Variants in SYCP2L observed in about 807,000 individuals in gnomAD.
The protein encoded by SYCP2L is synaptonemal complex protein 2 like.
In SYCP2L, 98 loss-of-function variants were observed where a neutral mutation model predicts 125.8. The ratio of observed to expected loss-of-function variants is 0.78; its 90% CI spans 0.66 to 0.92. The LOEUF (loss-of-function observed/expected upper bound fraction) is 0.92, where lower values mean the gene tolerates loss of function less well. Ranked by LOEUF, SYCP2L falls within the 40% of genes least tolerant of loss-of-function variation. SYCP2L has a pLI of 0.00. For missense variants in SYCP2L, 842 were observed against 936.4 expected, an observed-to-expected ratio of 0.90 and a Z score of 1.32; for synonymous variants, 317 against 325.4, an observed-to-expected ratio of 0.97 and a Z score of 0.28.
At position 10,901,156 on chromosome 6, in the gene SYCP2L, A is replaced by T. The variant is rs114039005; in HGVS notation, c.467-1521A>T. Among the ~76,000 whole-genome samples the T allele has an allele frequency of 4.8e-3, 732 of 152,274 alleles. 5 individuals carry two copies. The highest frequency in any genetic ancestry group is 0.017 in the African/African-American group (697 of 41,550). ...CCCTCTCTAGTGATTTGAATGGCTT[A>T]TGTCCTACTTTTATTTTACCGGTAG... On this transcript the variant is annotated intron_variant, in intron 6 of 29. Coordinates refer to ENST00000283141, the MANE Select transcript of SYCP2L (RefSeq NM_001040274.3).
intron 23 of SYCP2L, among the ~76,000 whole-genome samples, chr6:10,950,059 C>T (rs1297623736): frequency 2.0e-5 from 3 of 152,114 alleles, no homozygotes. Context: ...TTAAAAGCTT[C>T]AAGTAAATGT....
rs573260584 is a variant in SYCP2L, at chr6:10,922,864, A to T, written c.1073-1632A>T. On this transcript the variant is annotated intron_variant, in intron 14 of 29. Transcript: ENST00000283141. Reference sequence around the variant, plus strand: ...AAAAGTAGATTAATTTGAGTAGATTAAAAAAGTAGATTAAGTAGATTAATT... The same window carrying T: ...AAAAGTAGATTAATTTGAGTAGATTTAAAAAGTAGATTAAGTAGATTAATT... 3.4e-3 allele frequency: 512 copies of T among 152,328 alleles called. 6 individuals carry two copies. The highest frequency in any genetic ancestry group is 0.012 in the African/African-American group (479 of 41,578). The allele number at this position is 152,328 out of a possible 1,614,324, so 9.4% of individuals were successfully genotyped here.
chr6:10,905,134 C>T (rs1411801563), intron 8 of SYCP2L, among the ~76,000 whole-genome samples: 2 of 77,744 alleles, frequency 2.6e-5, no homozygotes, highest in Non-Finnish European at 4.6e-5. Flanking sequence ...CAGAGCCAGA[C>T]TTGGTCTCAA....
rs1170554877 is a variant in SYCP2L at position 10,928,286 on chromosome 6, T to C, written c.1441-117T>C. 5 of 524,322 alleles carry C rather than the reference T, an allele frequency of 9.5e-6. No individual in the cohort carries two copies. The African/African-American group carries it at 1.0e-4, about 11-fold the overall frequency. The allele number at this position is 524,322 out of a possible 1,614,324, so 32.5% of individuals were successfully genotyped here. A position where few individuals can be genotyped will look rare whatever the true frequency, so the allele number is the denominator to read the frequency against. ...GGAAGTGATAAGTGTCCATGAAATC[T>C]TCACAATTTATGTTCAGAGATTGAG... On this transcript the variant is annotated intron_variant, in intron 17 of 29. Transcript: ENST00000283141.
At chr6:10,931,341 G>A (rs1407585571) in intron 19 of SYCP2L, 99 bp from the exon 20 acceptor site, 2 of 1,134,088 alleles carry the variant, frequency 1.8e-6, no homozygotes, top group South Asian at 2.6e-5. Context: ...TAGGAAGTGG[G>A]AATTGCTTTT....
At chr6:10,899,440 T>C (rs1780340744) in intron 6 of SYCP2L, among the ~76,000 whole-genome samples, 1 of 151,974 alleles carries the variant, frequency 6.6e-6, no homozygotes, top group African/African-American at 2.4e-5. Context: ...CCCAGCTACT[T>C]GGGAGGGTGA....
chr6:10,929,084 G>A (rs545241167), intron 18 of SYCP2L, among the ~76,000 whole-genome samples: 1 of 152,036 alleles, frequency 6.6e-6, no homozygotes, highest in South Asian at 2.1e-4. Flanking sequence ...TAGAGACTGG[G>A]ATTTGCCATG....
intron 28 of SYCP2L, 144 bp downstream of exon 28, chr6:10,961,702 C>G (rs1439572910): frequency 1.1e-5 from 8 of 755,730 alleles, no homozygotes; most frequent in African/African-American, 5.3e-5. Flanking sequence ...TTCTGTGGCA[C>G]CTCCCTGAGG....
At chr6:10,902,323 G>A (rs1780391790) in intron 6 of SYCP2L, among the ~76,000 whole-genome samples, 1 of 152,058 alleles carries the variant, frequency 6.6e-6, no homozygotes, top group African/African-American at 2.4e-5. Flanking sequence ...CAGTTCTCAA[G>A]TTCTTCTTAG....
intron 4 of SYCP2L, among the ~76,000 whole-genome samples, chr6:10,894,928 T>C (rs1184061462): frequency 6.6e-6 from 1 of 152,168 alleles, no homozygotes; most frequent in African/African-American, 2.4e-5. Flanking sequence ...TGAGCTCCAG[T>C]ACCAGAAGTT....
intron 14 of SYCP2L, among the ~76,000 whole-genome samples, chr6:10,923,975 C>G (rs544224945): frequency 6.6e-6 from 1 of 152,232 alleles, no homozygotes; most frequent in Non-Finnish European, 1.5e-5. Flanking sequence ...TGAGCCACCA[C>G]GCCTGGCCTA....
At chr6:10,943,259 A>G (rs991749100) in intron 23 of SYCP2L, among the ~76,000 whole-genome samples, 4 of 152,170 alleles carry the variant, frequency 2.6e-5, no homozygotes, top group African/African-American at 9.7e-5. Flanking sequence ...ATACTTTTCT[A>G]CTGTTTATGA....
At chr6:10,908,961 GAA>G (rs1780555995) in intron 10 of SYCP2L, among the ~76,000 whole-genome samples, 1 of 152,188 alleles carries the variant, frequency 6.6e-6, no homozygotes, top group Admixed American at 6.5e-5. Context: ...GAGAGAAACT[GAA>G]AGGTCCAGGG....
intron 8 of SYCP2L, among the ~76,000 whole-genome samples, chr6:10,904,693 A>T (rs760188852): frequency 2.7e-4 from 41 of 152,178 alleles, no homozygotes; most frequent in Non-Finnish European, 1.6e-4. Flanking sequence ...TGCAAGTATA[A>T]AATTAAGCAG....
rs144879931 is a variant in SYCP2L at position 10,966,494 on chromosome 6, G to A, written c.*37+2651G>A. 2.9e-3 allele frequency among the ~76,000 whole-genome samples: 436 copies of A among 152,276 alleles called. 1 individual carries two copies. The highest frequency in any genetic ancestry group is 0.01 in the African/African-American group (423 of 41,570). The stretch of plus-strand genomic sequence containing the variant: ...CTAAAATCAGGACCAATGGATGGGA[G>A]ATGGAATAACATAAAGGCGTCCATT... On this transcript the variant is annotated intron_variant, in intron 29 of 29. Transcript: ENST00000283141.
At chr6:10,930,615 T>C (rs937915924) in intron 19 of SYCP2L, 101 bp downstream of exon 19, 26 of 1,347,558 alleles carry the variant, frequency 1.9e-5, no homozygotes, top group African/African-American at 1.5e-5. Context: ...CAAAGAAATA[T>C]ATGATTATGG....
rs1194675490 is a variant in SYCP2L at position 10,931,502 on chromosome 6, T to C, written c.1683+13T>C. 1 of 1,613,666 alleles carries C rather than the reference T, an allele frequency of 6.2e-7. No homozygotes were observed. Among genetic ancestry groups the C allele is most frequent in the East Asian group, 2.2e-5 (1 of 44,874 alleles). The stretch of plus-strand genomic sequence containing the variant: ...TGAGAAAGACCAAGTAAGTACATTG[T>C]ATCTGGGTTGCTGTGTGCCCTGTGA... On this transcript the variant is annotated intron_variant, in intron 20 of 29. Coordinates refer to ENST00000283141, the MANE Select transcript of SYCP2L (RefSeq NM_001040274.3).
At chr6:10,908,823 G>C (rs1230257161) in intron 10 of SYCP2L, among the ~76,000 whole-genome samples, 3 of 152,162 alleles carry the variant, frequency 2.0e-5, no homozygotes, top group Non-Finnish European at 4.4e-5. Flanking sequence ...GTTGAACCTA[G>C]AGTTTGAGCC....
At chr6:10,889,767 T>C (rs543274798) in intron 1 of SYCP2L, among the ~76,000 whole-genome samples, 3 of 152,246 alleles carry the variant, frequency 2.0e-5, no homozygotes, top group African/African-American at 7.2e-5. Flanking sequence ...ATTACAGGCA[T>C]GCGCCACCCT....
Sources: allele counts gnomAD v4.1 joint callset (sites outside exome capture counted in the v4.1 genomes callset), GRCh38; gene constraint gnomAD v4.1.1; transcripts MANE v1.5; gene names NCBI Gene and HGNC (gene_info 2026-07-23, HGNC 2026-07-21).